STK38L: variants seen among roughly 807,000 people sequenced by gnomAD.
STK38L encodes the protein serine/threonine kinase 38 like, also known as serine/threonine-protein kinase 38-like.
STK38L carries 28 observed loss-of-function variants against 59.7 expected under a neutral mutation model. The observed-to-expected ratio is 0.47, with a 90% CI of 0.35 to 0.64. The LOEUF (loss-of-function observed/expected upper bound fraction) is 0.64, where lower values mean the gene tolerates loss of function less well. Among genes scored for constraint, STK38L ranks in the 30% least tolerant of loss-of-function variants. The pLI is 0.01. For synonymous variants in STK38L, 162 were observed against 176.8 expected, an observed-to-expected ratio of 0.92 and a Z score of 0.66; for missense variants, 314 against 555.8, an observed-to-expected ratio of 0.56 and a Z score of 4.37.
At chr12:27,249,505 G>A (rs1942926891) in intron 1 of STK38L, among the ~76,000 whole-genome samples, 1 of 152,022 alleles carries the variant, frequency 6.6e-6, no homozygotes, top group South Asian at 2.1e-4. Flanking sequence ...GCCTGGCTAA[G>A]TTTTGTATTT....
intron 1 of STK38L, among the ~76,000 whole-genome samples, chr12:27,267,746 A>G (rs1943329679): frequency 6.6e-6 from 1 of 151,734 alleles, no homozygotes; most frequent in South Asian, 2.1e-4. Context: ...ATTCGAAACT[A>G]GATATTCACA....
At chr12:27,255,782 G>A (rs1378957790) in intron 1 of STK38L, among the ~76,000 whole-genome samples, 2 of 152,092 alleles carry the variant, frequency 1.3e-5, no homozygotes, top group African/African-American at 2.4e-5. Context: ...TAACTTCTCT[G>A]CAATGATGAC....
intron 1 of STK38L, among the ~76,000 whole-genome samples, chr12:27,273,612 CAG>C (rs1371300968): frequency 3.3e-5 from 5 of 152,022 alleles, no homozygotes; most frequent in Admixed American, 6.5e-5. Context: ...TTGTCAATAA[CAG>C]AGTGTTAGCA....
intron 1 of STK38L, among the ~76,000 whole-genome samples, chr12:27,269,605 T>C (rs1215228952): frequency 2.6e-5 from 4 of 152,184 alleles, no homozygotes; most frequent in Non-Finnish European, 5.9e-5. Flanking sequence ...CATGACATAT[T>C]CATGTTGCAT....
chr12:27,271,962 A>G (rs541961279), intron 1 of STK38L, among the ~76,000 whole-genome samples: 9 of 152,324 alleles, frequency 5.9e-5, no homozygotes, highest in African/African-American at 2.2e-4. Context: ...GGCCTCCCAA[A>G]GTGCTTGGAT....
chr12:27,274,930 C>T (rs1390481240), intron 1 of STK38L, among the ~76,000 whole-genome samples: 1 of 152,202 alleles, frequency 6.6e-6, no homozygotes, highest in Non-Finnish European at 1.5e-5. Context: ...TTTTAGTTAT[C>T]TAATAATTAC....
At chr12:27,254,162 G>A (rs1303405819) in intron 1 of STK38L, among the ~76,000 whole-genome samples, 1 of 152,206 alleles carries the variant, frequency 6.6e-6, no homozygotes, top group Non-Finnish European at 1.5e-5. Context: ...AGCTTCAAGA[G>A]CACCTGACTT....
chr12:27,321,849 AT>A (rs1234510197), intron 12 of STK38L, among the ~76,000 whole-genome samples: 1 of 152,190 alleles, frequency 6.6e-6, no homozygotes, highest in African/African-American at 2.4e-5. Flanking sequence ...CGATGTGCTT[AT>A]TACCCATTTC....
At chr12:27,292,171 T>C (rs1450385797) in intron 1 of STK38L, among the ~76,000 whole-genome samples, 3 of 152,236 alleles carry the variant, frequency 2.0e-5, no homozygotes, top group East Asian at 1.9e-4. Context: ...AGAAAGGGCT[T>C]TAATAAAACA....
At chr12:27,316,826 A>C (rs1944595902) in intron 9 of STK38L, among the ~76,000 whole-genome samples, 1 of 152,176 alleles carries the variant, frequency 6.6e-6, no homozygotes, top group African/African-American at 2.4e-5. Flanking sequence ...TTTCATCTTC[A>C]TATCAACTCT....
intron 9 of STK38L, among the ~76,000 whole-genome samples, chr12:27,315,930 T>G (rs984636019): frequency 2.0e-5 from 3 of 152,176 alleles, no homozygotes; most frequent in Non-Finnish European, 4.4e-5. Context: ...AAGAATTGCT[T>G]CCCCTTTCTC....
chr12:27,303,725 TAGA>T (rs531493512), intron 3 of STK38L, among the ~76,000 whole-genome samples: 38 of 152,272 alleles, frequency 2.5e-4, no homozygotes, highest in African/African-American at 9.1e-4. Context: ...AAATGTTTCA[TAGA>T]AGAAGTAATA....
chr12:27,261,096 C>T (rs1943195423), intron 1 of STK38L, among the ~76,000 whole-genome samples: 1 of 152,152 alleles, frequency 6.6e-6, no homozygotes, highest in African/African-American at 2.4e-5. Context: ...CTCCGGTTTC[C>T]CAGTACTTCC....
chr12:27,314,984 T>A, intron 7 of STK38L, 31 bp from the exon 8 acceptor site: 1 of 1,519,966 alleles, frequency 6.6e-7, no homozygotes. Flanking sequence ...TCAAAGTTAA[T>A]ATGATCTAAT....
chr12:27,302,509 A>C, intron 3 of STK38L: 1 of 182,906 alleles, frequency 5.5e-6, no homozygotes, highest in Non-Finnish European at 1.1e-5. Flanking sequence ...AAAGCTATCT[A>C]TTTCTCTAGT....
chr12:27,307,765 A>G (rs1944352171), intron 3 of STK38L, among the ~76,000 whole-genome samples: 2 of 152,206 alleles, frequency 1.3e-5, no homozygotes, highest in South Asian at 2.1e-4. Flanking sequence ...GAAATTACCA[A>G]CTTGGATATT....
chr12:27,250,590 C>G (rs182160390), intron 1 of STK38L, among the ~76,000 whole-genome samples: 14 of 152,038 alleles, frequency 9.2e-5, no homozygotes, highest in Admixed American at 9.2e-4. Context: ...CTCATTTAAT[C>G]CTTATAGCAA....
chr12:27,276,381 T>C (rs1943538385), intron 1 of STK38L, among the ~76,000 whole-genome samples: 1 of 152,188 alleles, frequency 6.6e-6, no homozygotes, highest in South Asian at 2.1e-4. Flanking sequence ...ACGAAGCCCA[T>C]TGAAGACACA....
chr12:27,274,233 C>CA (rs35554589), intron 1 of STK38L, among the ~76,000 whole-genome samples: 12,530 of 143,186 alleles, frequency 0.088, 932 homozygotes, highest in African/African-American at 0.21. Context: ...AAGACTCTGT[C>CA]AAAAAAAAAA....
Sources: gnomAD v4.1 joint callset for allele counts (sites outside exome capture counted in the v4.1 genomes callset) on GRCh38, gnomAD v4.1.1 for gene constraint, MANE v1.5 for transcripts, NCBI Gene and HGNC (gene_info 2026-07-23, HGNC 2026-07-21) for gene names.